The following ABI1 variants were observed in gnomAD, a reference collection of about 807,000 sequenced individuals.
ABI1 encodes the protein Abelson interactor 1.
A neutral mutation model predicts 54.6 loss-of-function variants in ABI1; 14 were observed. The ratio of observed to expected loss-of-function variants is 0.26; its 90% CI spans 0.17 to 0.40. The LOEUF is 0.40. Among genes scored for constraint, ABI1 ranks in the 10% least tolerant of loss-of-function variants. ABI1 has a pLI of 1.00. For synonymous variants in ABI1, 194 were observed against 209.3 expected (o/e 0.93, Z 0.63); for missense variants, 443 against 598.3 (o/e 0.74, Z 2.71).
chr10:26,757,752 T>C (rs1485750463), intron 8 of ABI1, among the ~76,000 whole-genome samples: 5 of 152,166 alleles, frequency 3.3e-5, no homozygotes, highest in Non-Finnish European at 7.3e-5. Context: ...TGCTATAACA[T>C]AATTTATGTT....
At chr10:26,805,190 T>C (rs988060119) in intron 2 of ABI1, among the ~76,000 whole-genome samples, 1 of 152,204 alleles carries the variant, frequency 6.6e-6, no homozygotes. Context: ...ACCACATCAA[T>C]GAGACTTTTA....
At chr10:26,757,109 T>TA (rs1243623321) in intron 8 of ABI1, among the ~76,000 whole-genome samples, 1 of 152,088 alleles carries the variant, frequency 6.6e-6, no homozygotes, top group African/African-American at 2.4e-5. Flanking sequence ...GGTTAGTATG[T>TA]AATGAAAAAG....
intron 10 of ABI1, 61 bp downstream of exon 10, chr10:26,751,537 A>G (rs574061991): frequency 4.6e-6 from 7 of 1,511,012 alleles, no homozygotes; most frequent in African/African-American, 1.4e-5. Context: ...TGTTCTTTAT[A>G]GTTCTAAATT....
chr10:26,839,685 T>C (rs2134037907), intron 1 of ABI1: 1 of 658,654 alleles, frequency 1.5e-6, no homozygotes, highest in Middle Eastern at 2.9e-4. Flanking sequence ...GCTTGGTGGC[T>C]CACACCTGTA....
At chr10:26,801,454 G>T (rs1016577330) in intron 2 of ABI1, among the ~76,000 whole-genome samples, 9 of 151,980 alleles carry the variant, frequency 5.9e-5, no homozygotes, top group Admixed American at 3.3e-4. Context: ...GGCTGAGGTG[G>T]CAGGATGACT....
chr10:26,823,340 A>G, intron 1 of ABI1, 35 bp from the exon 2 acceptor site: 1 of 1,419,932 alleles, frequency 7.0e-7, no homozygotes, highest in Non-Finnish European at 9.4e-7. Context: ...ATACTTATTT[A>G]GATTAACATT....
chr10:26,834,594 CAA>C (rs1554829559), intron 1 of ABI1, among the ~76,000 whole-genome samples: 2 of 135,672 alleles, frequency 1.5e-5, no homozygotes, highest in South Asian at 2.5e-4. Context: ...CACACACACA[CAA>C]AAGAAGACAT....
At chr10:26,847,678 A>G (rs1316164866) in intron 1 of ABI1, among the ~76,000 whole-genome samples, 2 of 151,778 alleles carry the variant, frequency 1.3e-5, no homozygotes, top group Non-Finnish European at 2.9e-5. Context: ...GATGGAACTG[A>G]AAAAAAATAG....
chr10:26,805,569 C>G (rs1213125936), intron 2 of ABI1, among the ~76,000 whole-genome samples: 2 of 152,118 alleles, frequency 1.3e-5, no homozygotes, highest in Non-Finnish European at 2.9e-5. Flanking sequence ...CCCACAAATA[C>G]AGATTATTTG....
chr10:26,761,661 T>TATATATATATATATATACACACAC (rs1375832167), intron 7 of ABI1, among the ~76,000 whole-genome samples: 2 of 78,940 alleles, frequency 2.5e-5, no homozygotes, highest in African/African-American at 5.2e-5. Flanking sequence ...TATATATATA[T>TATATATATATATATATACACACAC]ACACACACAC....
chr10:26,778,056 G>A (rs992111196), intron 2 of ABI1, among the ~76,000 whole-genome samples: 7 of 151,864 alleles, frequency 4.6e-5, no homozygotes, highest in African/African-American at 1.7e-4. Context: ...AGGATAAACA[G>A]GAGTCAAGAG....
intron 7 of ABI1, among the ~76,000 whole-genome samples, chr10:26,761,655 T>C (rs1357425034): frequency 8.0e-5 from 9 of 112,128 alleles, no homozygotes; most frequent in South Asian, 2.9e-4. Flanking sequence ...TATATATATA[T>C]ATATATACAC....
intron 2 of ABI1, among the ~76,000 whole-genome samples, chr10:26,785,465 T>C (rs1459251970): frequency 3.9e-5 from 6 of 152,208 alleles, no homozygotes; most frequent in South Asian, 2.1e-4. Flanking sequence ...CTCATGCCTG[T>C]AATCCCAGCA....
At chr10:26,808,302 A>G (rs900857291) in intron 2 of ABI1, among the ~76,000 whole-genome samples, 1 of 152,134 alleles carries the variant, frequency 6.6e-6, no homozygotes, top group Admixed American at 6.5e-5. Context: ...TGGTTGGTTT[A>G]CTCCTGGAAC....
intron 2 of ABI1, among the ~76,000 whole-genome samples, chr10:26,809,384 C>A (rs1450260392): frequency 6.6e-6 from 1 of 151,358 alleles, no homozygotes; most frequent in South Asian, 2.1e-4. Flanking sequence ...ATAGTGAGAC[C>A]CCATCTCTAC....
chr10:26,815,354 G>A (rs977492553), intron 2 of ABI1, among the ~76,000 whole-genome samples: 1 of 152,062 alleles, frequency 6.6e-6, no homozygotes, highest in Admixed American at 6.6e-5. Context: ...TCAATTGATA[G>A]TATTAACAGC....
chr10:26,847,677 G>GA (rs756053235), intron 1 of ABI1, among the ~76,000 whole-genome samples: 17 of 151,032 alleles, frequency 1.1e-4, no homozygotes, highest in East Asian at 9.7e-4. Context: ...AGATGGAACT[G>GA]AAAAAAAATA....
At position 26,748,683 on chromosome 10, in the gene ABI1, T is replaced by C. The variant is rs780790043; in HGVS notation, c.1333A>G (p.Ile445Val). 4 of 1,613,448 alleles carry C rather than the reference T, an allele frequency of 2.5e-6. No homozygotes were observed. Among genetic ancestry groups the C allele is most frequent in the East Asian group, 2.2e-5 (1 of 44,814 alleles). Residue 445 changes from isoleucine to valine, a missense_variant, in exon 11 of 11, where the codon ATC becomes GTC. Physicochemically the swap from Ile to Val is conservative, Grantham distance 29 (BLOSUM62 3). Around this residue, in one of 2 missense-constraint regions of ABI1, gnomAD observed 49 missense variants for 113.5 expected, o/e 0.43. Coordinates refer to ENST00000376140, the MANE Select transcript of ABI1 (RefSeq NM_001012750.3). The stretch of plus-strand genomic sequence containing the variant: ...TCATTCTTCTTTATAACATAAATGA[T>C]TGCACCCTCCATAAATGACAGCTCA... ...DDELSFMEGA[I>V]IYVIKKNDDG...
At chr10:26,841,185 C>T (rs2049471608) in intron 1 of ABI1, among the ~76,000 whole-genome samples, 1 of 152,166 alleles carries the variant, frequency 6.6e-6, no homozygotes. Flanking sequence ...CCCACTCTTG[C>T]TCTAGAAAAG....
Sources: allele counts gnomAD v4.1 joint callset (sites outside exome capture counted in the v4.1 genomes callset), GRCh38; gene constraint gnomAD v4.1.1; regional missense constraint gnomAD v4.1.1; transcripts MANE v1.5; gene names NCBI Gene and HGNC (gene_info 2026-07-23, HGNC 2026-07-21).